Variants in MUC6 observed in about 807,000 individuals in gnomAD.
MUC6 encodes the protein mucin 6, oligomeric mucus/gel-forming (gene/pseudogene).
Under a neutral mutation model 201.5 loss-of-function variants are expected in MUC6, and 188 were observed. That is an observed-to-expected ratio of 0.93 (90% CI 0.83 to 1.05). The LOEUF (loss-of-function observed/expected upper bound fraction) is 1.05, where lower values mean the gene tolerates loss of function less well. Among genes scored for constraint, MUC6 ranks in the 50% least tolerant of loss-of-function variants. The pLI, the probability that MUC6 is intolerant of heterozygous loss-of-function variation, is 0.00. For missense variants in MUC6, 2,706 were observed against 3,256.9 expected (o/e 0.83, Z 4.12); for synonymous variants, 1,228 against 1,389.4 (o/e 0.88, Z 2.58).
intron 31 of MUC6, 90 bp downstream of exon 31, chr11:1,015,672 G>T: frequency 1.3e-6 from 2 of 1,485,718 alleles, no homozygotes; most frequent in South Asian, 1.5e-5. Context: ...GGGATCACAG[G>T]ACCATGAGGG....
rs1171651750 is a variant in MUC6 at position 1,027,965 on chromosome 11, C to G, written c.1848G>C (p.Lys616Asn). ...TCCCAAGACGCCCTCGGGCCCTCAC[C>G]TTGTAGAAGGGTGCAGGGTTCACTG... ...HATVNPAPFY[K>N]RCVYQACNYE... The change falls in exon 15 of 33, where the codon AAG becomes AAC. Residue 616 changes from lysine to asparagine, a missense_variant and splice_region_variant. Physicochemically the swap from Lys to Asn is moderately conservative, Grantham distance 94 (BLOSUM62 0). Coordinates refer to ENST00000421673, the MANE Select transcript of MUC6 (RefSeq NM_005961.3). 6.4e-7 allele frequency: 1 copy of G among 1,572,342 alleles called. No individual in the cohort carries two copies. The highest frequency in any genetic ancestry group is 8.6e-7 in the Non-Finnish European group (1 of 1,159,292).
At chr11:1,025,559 C>T (rs1856936140) in intron 22 of MUC6, among the ~76,000 whole-genome samples, 192 bp from the exon 23 acceptor site, 1 of 152,226 alleles carries the variant, frequency 6.6e-6, no homozygotes, top group Non-Finnish European at 1.5e-5. Flanking sequence ...GAAGCTCGGG[C>T]TTCCTGGAGA....
At chr11:1,025,672 C>A in intron 22 of MUC6, 133 bp downstream of exon 22, 1 of 902,204 alleles carries the variant, frequency 1.1e-6, no homozygotes, top group Non-Finnish European at 1.7e-6. Flanking sequence ...CAGCAGGCAC[C>A]CCTCAAGGAG....
chr11:1,026,232 G>T, intron 20 of MUC6, 91 bp from the exon 21 acceptor site: 1 of 1,511,362 alleles, frequency 6.6e-7, no homozygotes. Flanking sequence ...ACCTCTGGAC[G>T]CCCCCGCCTC....
At chr11:1,035,655 G>A (rs535926084) in intron 1 of MUC6, among the ~76,000 whole-genome samples, 10 of 152,212 alleles carry the variant, frequency 6.6e-5, no homozygotes, top group African/African-American at 1.9e-4. Flanking sequence ...GGGGTGGGGT[G>A]GGCTTGGGTC....
In MUC6 at chr11:1,023,506, C is replaced by T. The variant is rs888531467; in HGVS notation, c.3526+3G>A. The T allele has an allele frequency of 7.6e-6, 12 of 1,573,030 alleles. 1 individual carries two copies. In the African/African-American group the frequency reaches 8.1e-5, roughly 11 times the overall value. On this transcript the variant is annotated splice_donor_region_variant and intron_variant, in intron 26 of 32. Coordinates refer to ENST00000421673, the MANE Select transcript of MUC6 (RefSeq NM_005961.3). ...TCTGCGTTGCCTCCCGGTCACCTGG[C>T]ACCTTCGATGTTGCTGCCTGGGACG...
chr11:1,015,737 G>A (rs1329244517), intron 31 of MUC6, 25 bp downstream of exon 31: 1 of 1,521,712 alleles, frequency 6.6e-7, no homozygotes, highest in Non-Finnish European at 8.8e-7. Context: ...GAGGCCAGGA[G>A]AAGGGCCACA....
In MUC6 at chr11:1,024,909, G is replaced by A. The variant is rs200255910; in HGVS notation, c.3160C>T (p.Arg1054Cys). 1,316 of 1,612,818 alleles carry A rather than the reference G, an allele frequency of 8.2e-4. No homozygotes were observed. Among genetic ancestry groups the A allele is most frequent in the Non-Finnish European group, 9.7e-4 (1,139 of 1,179,874 alleles). The change falls in exon 24 of 33, where the codon CGC (arginine) becomes TGC (cysteine). Residue 1054 changes from arginine to cysteine, a missense_variant. Transcript: ENST00000421673. ...CTGCACTTGCGCTCGGCCCAGGAGC[G>A]CCGGAAGGCATTGAGACTGCAGGGG... is the stretch of plus-strand genomic sequence containing the variant. ...TDPCSLNAFR[R>C]SWAERKCSVI...
chr11:1,020,027 C>G (rs758235138), intron 29 of MUC6, 63 bp downstream of exon 29: 9 of 1,566,584 alleles, frequency 5.7e-6, no homozygotes, highest in South Asian at 1.2e-5. Context: ...AAGCCCACCC[C>G]AGAGGTGTAC....
In MUC6 at chr11:1,019,329, G is replaced by A. The variant is rs376580584; in HGVS notation, c.3976C>T (p.Arg1326Trp). 2.8e-5 allele frequency: 45 copies of A among 1,614,028 alleles called. No homozygotes were observed. Among genetic ancestry groups the A allele is most frequent in the African/African-American group, 1.3e-4 (10 of 75,058 alleles). ...ATTSTAQSTT[R>W]TTMTLPTPAT... is the part of the protein sequence containing the mutation. The stretch of plus-strand genomic sequence containing the variant: ...GGGGTTGGTAGTGTCATTGTGGTCC[G>A]TGTTGTGGACTGAGCTGTGGACGTC... Residue 1326 changes from arginine (R) to tryptophan (W), a missense_variant, in exon 30 of 33, where the codon CGG becomes TGG. Physicochemically the swap from Arg to Trp is moderately radical, Grantham distance 101. Transcript: ENST00000421673.
In MUC6 at chr11:1,029,524, C is replaced by G; in HGVS notation, c.1107G>C (p.Gly369=). ...CVLHGAMYAP[G]EVTIAACQTC... ...TTTGGCAGGCAGCTATTGTGACCTC[C>G]CCGGGGGCATACATGGCGCCGTGGA... is the stretch of plus-strand genomic sequence containing the variant. Residue 369 remains glycine, a synonymous_variant, in exon 9 of 33, where the codon GGG becomes GGC. Transcript: ENST00000421673. 6.2e-7 allele frequency: 1 copy of G among 1,612,500 alleles called. No homozygotes were observed. Among genetic ancestry groups the G allele is most frequent in the South Asian group, 1.1e-5 (1 of 91,064 alleles).
rs1856742717 is a variant in MUC6, at chr11:1,018,745, T to A, written c.4056A>T (p.Pro1352=). The A allele has an allele frequency of 6.4e-7, 1 of 1,574,116 alleles. No individual in the cohort carries two copies. Among genetic ancestry groups the A allele is most frequent in the Admixed American group, 2.0e-5 (1 of 49,748 alleles). ...CTGTCGTCTGGGTGGCCGTTGTTCCTGGCAGTTCCTGATTGGTCGATTTTG... is the reference window on the plus strand; with the variant it reads ...CTGTCGTCTGGGTGGCCGTTGTTCCAGGCAGTTCCTGATTGGTCGATTTTG... ...TLPKSTNQEL[P]GTTATQTTGP... is the part of the protein sequence containing the mutation. The change falls in exon 31 of 33, where the codon CCA becomes CCT. Residue 1352 remains proline, a synonymous_variant. Coordinates refer to ENST00000421673, the MANE Select transcript of MUC6 (RefSeq NM_005961.3).
intron 23 of MUC6, 48 bp downstream of exon 23, chr11:1,025,132 CCA>C (rs1564840310): frequency 6.2e-7 from 1 of 1,611,262 alleles, no homozygotes; most frequent in African/African-American, 1.3e-5. Flanking sequence ...CCATCTGTCT[CCA>C]CCCCTGCATC....
At position 1,013,195 on chromosome 11, in the gene MUC6, G is replaced by A; in HGVS notation, c.*261C>T. On this transcript the variant is annotated 3_prime_UTR_variant, in exon 33 of 33. Transcript: ENST00000421673. Reference sequence around the variant, plus strand: ...GGGCAGGGGTGGTCGGGAGTGCCCTGTGTGCCTGGGAGGTCCGTGACCACT... The same window carrying A: ...GGGCAGGGGTGGTCGGGAGTGCCCTATGTGCCTGGGAGGTCCGTGACCACT... 1.9e-6 allele frequency: 1 copy of A among 535,076 alleles called. No individual in the cohort carries two copies. Among genetic ancestry groups the A allele is most frequent in the African/African-American group, 2.0e-5 (1 of 51,156 alleles). 33.1% of individuals were successfully genotyped at this position (535,076 alleles called of 1,614,324 possible). A position where few individuals can be genotyped will look rare whatever the true frequency, so the allele number is the denominator to read the frequency against.
intron 7 of MUC6, 48 bp from the exon 8 acceptor site, chr11:1,030,383 C>G (rs997621529): frequency 2.0e-6 from 3 of 1,514,810 alleles, no homozygotes; most frequent in African/African-American, 2.8e-5. Context: ...CCCCCCACCC[C>G]TCCCTGCCCC....
At chr11:1,030,082 C>T (rs553803571) in intron 8 of MUC6, 131 bp downstream of exon 8, 17 of 1,181,642 alleles carry the variant, frequency 1.4e-5, no homozygotes, top group South Asian at 3.2e-5. Flanking sequence ...GGGCAAGAGG[C>T]GCCAGAGCTG....
chr11:1,026,852 G>A, intron 19 of MUC6, 89 bp downstream of exon 19: 1 of 1,297,582 alleles, frequency 7.7e-7, no homozygotes, highest in Admixed American at 2.3e-5. Flanking sequence ...AGGGCAGAAT[G>A]CGGCCAGGTC....
chr11:1,029,651 C>G, intron 8 of MUC6, 36 bp from the exon 9 acceptor site: 1 of 1,533,786 alleles, frequency 6.5e-7, no homozygotes, highest in Non-Finnish European at 8.8e-7. Flanking sequence ...TTGGGTGGGA[C>G]TGACTGCCTC....
At chr11:1,028,824 C>T (rs1184099431) in intron 12 of MUC6, 41 bp from the exon 13 acceptor site, 1 of 1,609,278 alleles carries the variant, frequency 6.2e-7, no homozygotes, top group African/African-American at 1.3e-5. Context: ...GGGCTCCCTC[C>T]CCACCCACTG....
Sources: allele counts gnomAD v4.1 joint callset (sites outside exome capture counted in the v4.1 genomes callset), GRCh38; gene constraint gnomAD v4.1.1; transcripts MANE v1.5; gene names NCBI Gene and HGNC (gene_info 2026-07-23, HGNC 2026-07-21).